The following CRADD variants were observed in gnomAD, a reference collection of about 807,000 sequenced individuals.
The protein encoded by CRADD is CARD and death domain containing adaptor protein.
In CRADD, 9 loss-of-function variants were observed where a neutral mutation model predicts 15.5. That is an observed-to-expected ratio of 0.58 (90% CI 0.35 to 1.01). CRADD has a LOEUF of 1.01. Ranked by LOEUF, CRADD falls within the 50% of genes least tolerant of loss-of-function variation. CRADD has a pLI of 0.02. For synonymous variants in CRADD, 118 were observed against 107.6 expected, an observed-to-expected ratio of 1.10 and a Z score of -0.60; for missense variants, 227 against 250.3, an observed-to-expected ratio of 0.91 and a Z score of 0.63.
At chr12:93,680,489 C>T (rs1955258104) in intron 2 of CRADD, among the ~76,000 whole-genome samples, 1 of 152,154 alleles carries the variant, frequency 6.6e-6, no homozygotes, top group African/African-American at 2.4e-5. Flanking sequence ...GTGGAAAAAG[C>T]AAAAGTATTT....
Position 93,805,771 on chromosome 12 carries a change from G to A in CRADD, c.299-44199G>A, listed in dbSNP as rs56037193. On this transcript the variant is annotated intron_variant, in intron 2 of 2. Coordinates refer to ENST00000332896, the MANE Select transcript of CRADD (RefSeq NM_003805.5). Reference sequence around the variant, plus strand: ...GTGCCCAGACCTTGTACCCCATGCAGCAGCCTGCTTGTCGGCCATGGAACA... The same window carrying A: ...GTGCCCAGACCTTGTACCCCATGCAACAGCCTGCTTGTCGGCCATGGAACA... Among the ~76,000 whole-genome samples, 481 of 152,234 alleles carry A rather than the reference G, an allele frequency of 3.2e-3. 2 individuals are homozygous for A. Among genetic ancestry groups the A allele is most frequent in the African/African-American group, 0.011 (458 of 41,548 alleles).
At chr12:93,732,863 A>T (rs1288006815) in intron 2 of CRADD, among the ~76,000 whole-genome samples, 4 of 152,224 alleles carry the variant, frequency 2.6e-5, no homozygotes, top group Non-Finnish European at 5.9e-5. Context: ...TTTTTTCATA[A>T]GTAGTCCAAT....
intron 2 of CRADD, among the ~76,000 whole-genome samples, chr12:93,720,184 C>G (rs1340612468): frequency 6.6e-6 from 1 of 151,960 alleles, no homozygotes; most frequent in Non-Finnish European, 1.5e-5. Flanking sequence ...TTCTCTTACC[C>G]CTATGTTACT....
intron 2 of CRADD, among the ~76,000 whole-genome samples, chr12:93,694,788 A>G (rs979716026): frequency 1.3e-5 from 2 of 152,214 alleles, no homozygotes; most frequent in Non-Finnish European, 2.9e-5. Flanking sequence ...AAAACTGTTA[A>G]AACATTGATG....
rs1479404931 is a variant in CRADD at position 93,730,811 on chromosome 12, G to T, written c.298+51739G>T. On this transcript the variant is annotated intron_variant, in intron 2 of 2. Coordinates refer to ENST00000332896, the MANE Select transcript of CRADD (RefSeq NM_003805.5). ...GCTCACTGCAACCTCCACCTCCCGG[G>T]TTCAAGCTATTCTCCCACCTCAGCC... is the stretch of plus-strand genomic sequence containing the variant. Among the ~76,000 whole-genome samples the T allele has an allele frequency of 4.6e-5, 7 of 151,580 alleles. No individual in the cohort carries two copies. The East Asian group carries it at 1.4e-3, about 30-fold the overall frequency.
At chr12:93,894,632 G>C (rs547472175) in exon 3 of CRADD, 1 of 153,062 alleles carries the variant, frequency 6.5e-6, no homozygotes, top group Non-Finnish European at 1.5e-5. Context: ...ATAGTCACAG[G>C]GCGCCTGTCT....
chr12:93,885,628 A>C (rs190355043), intron 2 of CRADD, among the ~76,000 whole-genome samples: 1 of 152,232 alleles, frequency 6.6e-6, no homozygotes, highest in East Asian at 1.9e-4. Context: ...TCTGCATAAT[A>C]AGCTTGTGTG....
At chr12:93,882,220 G>A (rs1196388362) in intron 2 of CRADD, among the ~76,000 whole-genome samples, 1 of 151,824 alleles carries the variant, frequency 6.6e-6, no homozygotes, top group Non-Finnish European at 1.5e-5. Context: ...AGGAGTTCGA[G>A]ACCAGCCTGG....
intron 2 of CRADD, among the ~76,000 whole-genome samples, chr12:93,843,879 C>T (rs1257453125): frequency 6.6e-6 from 1 of 151,782 alleles, no homozygotes; most frequent in Non-Finnish European, 1.5e-5. Flanking sequence ...CACCACCATA[C>T]CTGGCTAATT....
At position 93,790,322 on chromosome 12, in the gene CRADD, GAGGGGGA is replaced by G. The variant is rs534871523; in HGVS notation, c.299-59643_299-59637del. ...CTTGAAACTCAACTATAGGTGGGGG[GAGGGGGA>G]AGGGATAGCTTTAGGAAATATACCT... On this transcript the variant is annotated intron_variant, in intron 2 of 2. Coordinates refer to ENST00000332896, the MANE Select transcript of CRADD (RefSeq NM_003805.5). Among the ~76,000 whole-genome samples the G allele has an allele frequency of 3.3e-3, 499 of 152,182 alleles. 2 individuals carry two copies. Among genetic ancestry groups the G allele is most frequent in the African/African-American group, 0.012 (479 of 41,522 alleles).
At chr12:93,739,161 G>A (rs1375066539) in intron 2 of CRADD, among the ~76,000 whole-genome samples, 1 of 152,120 alleles carries the variant, frequency 6.6e-6, no homozygotes, top group Non-Finnish European at 1.5e-5. Context: ...AGGAAGTGTA[G>A]TGCCATGGGA....
intron 2 of CRADD, among the ~76,000 whole-genome samples, chr12:93,846,803 G>A (rs2137046801): frequency 6.6e-6 from 1 of 152,286 alleles, no homozygotes; most frequent in Admixed American, 6.5e-5. Context: ...TGAATCTTTG[G>A]TTAGAAGGTT....
chr12:93,733,873 C>T (rs1227729649), intron 2 of CRADD, among the ~76,000 whole-genome samples: 1 of 151,886 alleles, frequency 6.6e-6, no homozygotes, highest in Non-Finnish European at 1.5e-5. Flanking sequence ...GAAGCTGTTA[C>T]TACAGGCATG....
At chr12:93,796,522 T>C (rs1957420262) in intron 2 of CRADD, among the ~76,000 whole-genome samples, 1 of 151,248 alleles carries the variant, frequency 6.6e-6, no homozygotes, top group Non-Finnish European at 1.5e-5. Flanking sequence ...GGAGAATCAC[T>C]TGAACCCAGG....
intron 2 of CRADD, among the ~76,000 whole-genome samples, chr12:93,801,104 ATCAGG>A (rs1292600121): frequency 6.6e-6 from 1 of 152,230 alleles, no homozygotes; most frequent in Non-Finnish European, 1.5e-5. Flanking sequence ...ACCATACCAC[ATCAGG>A]AGGTACATAA....
intron 2 of CRADD, among the ~76,000 whole-genome samples, chr12:93,762,204 G>A (rs776459024): frequency 5.3e-5 from 8 of 152,140 alleles, no homozygotes; most frequent in Non-Finnish European, 7.3e-5. Context: ...AAAACGGGCC[G>A]ATGTTGTGAG....
At chr12:93,819,149 G>A (rs770608457) in intron 2 of CRADD, among the ~76,000 whole-genome samples, 4 of 152,230 alleles carry the variant, frequency 2.6e-5, no homozygotes, top group African/African-American at 4.8e-5. Flanking sequence ...CGCCCTGTCC[G>A]CCTATGAGGG....
chr12:93,787,794 T>C (rs999098944), intron 2 of CRADD, among the ~76,000 whole-genome samples: 5 of 152,170 alleles, frequency 3.3e-5, no homozygotes, highest in Admixed American at 2.0e-4. Flanking sequence ...TTGACCTCAT[T>C]TGTTCATTCC....
chr12:93,887,992 G>T (rs950367581), intron 2 of CRADD, among the ~76,000 whole-genome samples: 20 of 152,180 alleles, frequency 1.3e-4, no homozygotes, highest in African/African-American at 4.8e-4. Flanking sequence ...AGTGCCACCT[G>T]AGCTGAGACC....
Sources: gnomAD v4.1 joint callset for allele counts (sites outside exome capture counted in the v4.1 genomes callset) on GRCh38, gnomAD v4.1.1 for gene constraint, MANE v1.5 for transcripts, NCBI Gene and HGNC (gene_info 2026-07-23, HGNC 2026-07-21) for gene names.